STK32B: variants seen among roughly 807,000 people sequenced by gnomAD.
The protein encoded by STK32B is serine/threonine kinase 32B.
In STK32B, 43 loss-of-function variants were observed where a neutral mutation model predicts 52.6. The ratio of observed to expected loss-of-function variants is 0.82; its 90% CI spans 0.64 to 1.05. The LOEUF (loss-of-function observed/expected upper bound fraction) is 1.05. STK32B is among the 50% of genes least tolerant of loss of function. The pLI is 0.00. For missense variants in STK32B, 621 were observed against 534.6 expected (o/e 1.16, Z -1.59); for synonymous variants, 238 against 204.3 (o/e 1.17, Z -1.41).
intron 3 of STK32B, among the ~76,000 whole-genome samples, chr4:5,254,454 A>G (rs1726159540): frequency 6.6e-6 from 1 of 152,144 alleles, no homozygotes; most frequent in Non-Finnish European, 1.5e-5. Flanking sequence ...TAATTTTTGT[A>G]TATAAATACT....
chr4:5,271,344 C>G (rs1213239863), intron 3 of STK32B, among the ~76,000 whole-genome samples: 1 of 152,072 alleles, frequency 6.6e-6, no homozygotes, highest in East Asian at 1.9e-4. Flanking sequence ...CAAAACATTA[C>G]TGAAAGAAGG....
chr4:5,361,446 G>A (rs546248052), intron 4 of STK32B, among the ~76,000 whole-genome samples: 11 of 151,994 alleles, frequency 7.2e-5, no homozygotes, highest in Non-Finnish European at 8.8e-5. Flanking sequence ...ATCGTGGCTC[G>A]CTGCAGCCTC....
chr4:5,362,698 A>T (rs1056278398), intron 4 of STK32B, among the ~76,000 whole-genome samples: 3 of 152,116 alleles, frequency 2.0e-5, no homozygotes, highest in African/African-American at 4.8e-5. Context: ...ACAGCAATGG[A>T]AGAGATGCAT....
intron 2 of STK32B, among the ~76,000 whole-genome samples, chr4:5,153,971 A>G (rs1717586819): frequency 6.6e-6 from 1 of 152,206 alleles, no homozygotes; most frequent in Admixed American, 6.5e-5. Flanking sequence ...AAGATTTTTT[A>G]TAGTTATCTA....
intron 2 of STK32B, among the ~76,000 whole-genome samples, chr4:5,160,756 A>T (rs1167061479): frequency 6.6e-6 from 1 of 152,218 alleles, no homozygotes. Flanking sequence ...TTCACAACTC[A>T]GTAGGGGGAG....
intron 3 of STK32B, among the ~76,000 whole-genome samples, chr4:5,187,399 A>G (rs530754480): frequency 2.0e-5 from 3 of 152,324 alleles, no homozygotes; most frequent in East Asian, 1.9e-4. Context: ...GGCTCTTTGC[A>G]TATTTTATCT....
At chr4:5,434,046 T>C (rs546107177) in intron 6 of STK32B, among the ~76,000 whole-genome samples, 1 of 152,268 alleles carries the variant, frequency 6.6e-6, no homozygotes, top group East Asian at 1.9e-4. Flanking sequence ...CAACCACTGG[T>C]AGAGATGGTT....
At chr4:5,174,580 T>G (rs1310740425) in intron 3 of STK32B, among the ~76,000 whole-genome samples, 1 of 152,214 alleles carries the variant, frequency 6.6e-6, no homozygotes, top group Non-Finnish European at 1.5e-5. Context: ...TGGCGGGATA[T>G]GAAATTCTGG....
rs1729546207 is a variant in STK32B, at chr4:5,301,419, AATT to A, written c.261-29794_261-29792del. ...GGGCTTTACTCTGTGACTATTTTTA[AATT>A]ATTATTTATATTACTAATTGAATCT... On this transcript the variant is annotated intron_variant, in intron 3 of 11. Transcript: ENST00000282908. Among the ~76,000 whole-genome samples, 11 of 152,060 alleles carry A rather than the reference AATT, an allele frequency of 7.2e-5. No individual in the cohort carries two copies. In the South Asian group the frequency reaches 2.3e-3, roughly 32 times the overall value.
chr4:5,487,725 G>A (rs746435855), intron 11 of STK32B, among the ~76,000 whole-genome samples: 1 of 152,290 alleles, frequency 6.6e-6, no homozygotes, highest in Non-Finnish European at 1.5e-5. Flanking sequence ...AGGTAGCATC[G>A]AGGAGGGGAG....
At chr4:5,032,043 A>T in the STK32B span, among the ~76,000 whole-genome samples, 11 of 152,316 alleles carry the variant, frequency 7.2e-5, no homozygotes, top group African/African-American at 2.6e-4. Flanking sequence ...ACTTTTTAAA[A>T]CAAATTAACA....
chr4:5,240,784 T>C (rs919759247), intron 3 of STK32B, among the ~76,000 whole-genome samples: 20 of 152,158 alleles, frequency 1.3e-4, no homozygotes, highest in African/African-American at 4.6e-4. Context: ...GTATCAATTT[T>C]CTGCTTTGAT....
intron 2 of STK32B, among the ~76,000 whole-genome samples, chr4:5,164,320 C>T (rs1337036932): frequency 1.3e-5 from 2 of 152,166 alleles, no homozygotes; most frequent in Non-Finnish European, 2.9e-5. Flanking sequence ...ACTCCAACCT[C>T]TGCATCCGTC....
At chr4:5,150,574 A>AT (rs36018984) in intron 2 of STK32B, among the ~76,000 whole-genome samples, 49,300 of 150,334 alleles carry the variant, frequency 0.33, 9,393 homozygotes, top group Non-Finnish European at 0.44. Flanking sequence ...ATCTCAGTCC[A>AT]TTTTTTTTTT....
chr4:5,499,315 A>C lies in STK32B; in HGVS notation c.*232A>C. 1 of 457,654 alleles carries C rather than the reference A, an allele frequency of 2.2e-6. No homozygotes were observed. Among genetic ancestry groups the C allele is most frequent in the Non-Finnish European group, 3.7e-6 (1 of 272,548 alleles). 28.3% of individuals were successfully genotyped at this position (457,654 alleles called of 1,614,324 possible). A position where few individuals can be genotyped will look rare whatever the true frequency, so the allele number is the denominator to read the frequency against. ...TGCCTCCGTTTTCTGCATCTGCCAA[A>C]GGGGTTAAACACTTCTGCCCCACTT... On this transcript the variant is annotated 3_prime_UTR_variant, in exon 12 of 12. Transcript: ENST00000282908.
At chr4:5,182,958 A>T (rs1720471033) in intron 3 of STK32B, among the ~76,000 whole-genome samples, 1 of 152,160 alleles carries the variant, frequency 6.6e-6, no homozygotes, top group South Asian at 2.1e-4. Context: ...GAGCAGTAGT[A>T]TTGTTTTCTC....
intron 1 of STK32B, among the ~76,000 whole-genome samples, chr4:5,062,710 A>G (rs1742263816): frequency 6.6e-6 from 1 of 152,024 alleles, no homozygotes; most frequent in African/African-American, 2.4e-5. Flanking sequence ...GGGTTTCACC[A>G]TGTTAGCCAG....
At chr4:5,309,070 A>G (rs1194132112) in intron 3 of STK32B, among the ~76,000 whole-genome samples, 1 of 152,200 alleles carries the variant, frequency 6.6e-6, no homozygotes, top group Non-Finnish European at 1.5e-5. Context: ...AAAAACCAAC[A>G]TGCAAATGTA....
Position 5,420,671 on chromosome 4 carries a change from C to G in STK32B, c.562+3737C>G, listed in dbSNP as rs189751390. Among the ~76,000 whole-genome samples the G allele has an allele frequency of 5.9e-5, 9 of 152,278 alleles. No individual in the cohort carries two copies. The East Asian group carries it at 1.7e-3, about 29-fold the overall frequency. On this transcript the variant is annotated intron_variant, in intron 6 of 11. Transcript: ENST00000282908. ...GGAAGGCAGAGAACCGATTCTGAGG[C>G]TCAAGAATGCTGTGCTGGAAGGGGC...
Sources: gnomAD v4.1 joint callset for allele counts (sites outside exome capture counted in the v4.1 genomes callset) on GRCh38, gnomAD v4.1.1 for gene constraint, MANE v1.5 for transcripts, NCBI Gene and HGNC (gene_info 2026-07-23, HGNC 2026-07-21) for gene names.